Variants in OR56A3 observed in about 807,000 individuals in gnomAD.
OR56A3 encodes the protein olfactory receptor family 56 subfamily A member 3.
OR56A3 carries 23 observed loss-of-function variants against 17.5 expected under a neutral mutation model. The ratio of observed to expected loss-of-function variants is 1.32; its 90% CI spans 0.95 to 1.87. The LOEUF (loss-of-function observed/expected upper bound fraction) is 1.87, where lower values mean the gene tolerates loss of function less well. Among genes scored for constraint, OR56A3 ranks in the 40% most tolerant of loss-of-function variants. OR56A3 has a pLI of 0.00. For synonymous variants in OR56A3, 175 were observed against 150.6 expected, an observed-to-expected ratio of 1.16 and a Z score of -1.19; for missense variants, 366 against 380.1, an observed-to-expected ratio of 0.96 and a Z score of 0.31.
the OR56A3 span, chr11:6,002,051 T>C: frequency 6.4e-7 from 1 of 1,565,202 alleles, no homozygotes; most frequent in African/African-American, 1.4e-5. Context: ...CTTTTTATTC[T>C]TACAACCTCT....
the OR56A3 span, among the ~76,000 whole-genome samples, chr11:6,014,989 C>CAA: frequency 0.17 from 5,907 of 35,136 alleles, 1,734 homozygotes; most frequent in African/African-American, 0.18. Context: ...TATTCATGGG[C>CAA]AAAAAAAAAA....
At chr11:5,986,685 G>A in the OR56A3 span, 2 of 1,613,952 alleles carry the variant, frequency 1.2e-6, no homozygotes, top group South Asian at 1.1e-5. Context: ...CAGCTAGCAT[G>A]GACAGGAAGA....
chr11:6,016,120 C>T, the OR56A3 span, among the ~76,000 whole-genome samples: 2 of 152,054 alleles, frequency 1.3e-5, no homozygotes, highest in Non-Finnish European at 2.9e-5. Flanking sequence ...CCCCTGGGTG[C>T]TGTTCTCATG....
chr11:5,961,164 C>G, the OR56A3 span, among the ~76,000 whole-genome samples: 3 of 151,554 alleles, frequency 2.0e-5, 1 homozygote, highest in Admixed American at 2.0e-4. Context: ...ACCGCCCAGT[C>G]TGGGAGGTGG....
chr11:5,990,339 G>A, the OR56A3 span, among the ~76,000 whole-genome samples: 2 of 152,234 alleles, frequency 1.3e-5, no homozygotes, highest in Admixed American at 6.5e-5. Flanking sequence ...GTAGCAAACA[G>A]TGGCGTGTCT....
chr11:5,956,825 A>G, the OR56A3 span, among the ~76,000 whole-genome samples: 23 of 152,282 alleles, frequency 1.5e-4, no homozygotes, highest in African/African-American at 5.5e-4. Context: ...ACATATTTCT[A>G]CACACTTCCA....
At chr11:5,946,781 T>C (rs1293034729) in intron 2 of OR56A3, among the ~76,000 whole-genome samples, 1 of 152,240 alleles carries the variant, frequency 6.6e-6, no homozygotes, top group Admixed American at 6.5e-5. Flanking sequence ...TTATTTTAGA[T>C]GTATGATTTA....
At chr11:5,961,752 TAAAAAAAAA>T in the OR56A3 span, among the ~76,000 whole-genome samples, 1 of 134,480 alleles carries the variant, frequency 7.4e-6, no homozygotes, top group African/African-American at 2.8e-5. Context: ...AATAAATACT[TAAAAAAAAA>T]AAAAAAAAAG....
chr11:5,972,092 T>C, the OR56A3 span, among the ~76,000 whole-genome samples: 1 of 152,222 alleles, frequency 6.6e-6, no homozygotes, highest in Admixed American at 6.5e-5. Flanking sequence ...GCACATTTCC[T>C]CACCAGCTTT....
At chr11:6,021,485 A>T in the OR56A3 span, 1 of 152,176 alleles carries the variant, frequency 6.6e-6, no homozygotes, top group African/African-American at 2.4e-5. Context: ...CGTTGTATGT[A>T]ACTTCATAAA....
chr11:5,996,821 C>G, the OR56A3 span, among the ~76,000 whole-genome samples: 4,877 of 152,156 alleles, frequency 0.032, 267 homozygotes, highest in African/African-American at 0.11. Context: ...GGGCAATGAA[C>G]AAAAGATAAA....
At chr11:5,973,189 A>G in the OR56A3 span, among the ~76,000 whole-genome samples, 1 of 152,184 alleles carries the variant, frequency 6.6e-6, no homozygotes, top group Non-Finnish European at 1.5e-5. Context: ...TATCAACTAT[A>G]TGTCCAGAAT....
the OR56A3 span, among the ~76,000 whole-genome samples, chr11:6,017,447 A>C: frequency 6.6e-6 from 1 of 152,214 alleles, no homozygotes; most frequent in African/African-American, 2.4e-5. Flanking sequence ...CTAAGGGAGC[A>C]TCTGTCAGAT....
the OR56A3 span, chr11:5,968,465 G>A: frequency 4.5e-6 from 7 of 1,561,678 alleles, no homozygotes; most frequent in South Asian, 1.2e-5. Flanking sequence ...CAAAGACTGG[G>A]GAAGTGGAGT....
the OR56A3 span, among the ~76,000 whole-genome samples, chr11:6,011,136 C>G: frequency 6.6e-6 from 1 of 151,680 alleles, no homozygotes; most frequent in African/African-American, 2.4e-5. Flanking sequence ...TCTCTCATCA[C>G]TTTTTGATCA....
the OR56A3 span, among the ~76,000 whole-genome samples, chr11:5,963,687 T>G: frequency 6.6e-6 from 1 of 152,170 alleles, no homozygotes; most frequent in Non-Finnish European, 1.5e-5. Flanking sequence ...TTAGGTGTAT[T>G]GAATCTCATT....
chr11:5,966,614 G>A, the OR56A3 span, among the ~76,000 whole-genome samples: 1 of 152,084 alleles, frequency 6.6e-6, no homozygotes, highest in East Asian at 1.9e-4. Context: ...GATAAAAATT[G>A]CAAAGTGTAA....
the OR56A3 span, among the ~76,000 whole-genome samples, chr11:5,956,959 C>T: frequency 2.6e-5 from 4 of 152,088 alleles, no homozygotes; most frequent in African/African-American, 9.7e-5. Flanking sequence ...AGTTCGAGAC[C>T]AGCCTGACCA....
At chr11:6,017,695 G>T in the OR56A3 span, among the ~76,000 whole-genome samples, 1 of 152,046 alleles carries the variant, frequency 6.6e-6, no homozygotes, top group Non-Finnish European at 1.5e-5. Flanking sequence ...TAACAAAATG[G>T]CAGGAATAAG....
Sources: gnomAD v4.1 joint callset for allele counts (sites outside exome capture counted in the v4.1 genomes callset) on GRCh38, gnomAD v4.1.1 for gene constraint, MANE v1.5 for transcripts, NCBI Gene and HGNC (gene_info 2026-07-23, HGNC 2026-07-21) for gene names.